SWAP70: variants seen among roughly 807,000 people sequenced by gnomAD.
SWAP70 encodes switching B cell complex subunit SWAP70.
In SWAP70, 34 loss-of-function variants were observed where a neutral mutation model predicts 80.2. That is an observed-to-expected ratio of 0.42 (90% confidence interval 0.32 to 0.56). SWAP70 has a LOEUF of 0.56. Ranked by LOEUF, SWAP70 falls within the 20% of genes least tolerant of loss-of-function variation. The pLI is 0.09. For missense variants in SWAP70, 578 were observed against 690.7 expected, an observed-to-expected ratio of 0.84 and a Z score of 1.83; for synonymous variants, 239 against 238.5, an observed-to-expected ratio of 1.00 and a Z score of -0.02.
chr11:9,692,500 C>T lies in SWAP70; in HGVS notation c.100-1646C>T, dbSNP rs190033182. Among the ~76,000 whole-genome samples, 164 of 151,664 alleles carry T rather than the reference C, an allele frequency of 1.1e-3. 3 individuals carry two copies. The highest frequency in any genetic ancestry group is 3.6e-3 in the African/African-American group (148 of 41,378). Reference sequence around the variant, plus strand: ...TTTATGTTGGAGATCTTTTCATATCCGTACATAGCAAGCTTTCTCATGGTT... The same window carrying T: ...TTTATGTTGGAGATCTTTTCATATCTGTACATAGCAAGCTTTCTCATGGTT... On this transcript the variant is annotated intron_variant, in intron 1 of 11. Transcript: ENST00000318950.
At chr11:9,716,842 T>C (rs1224342063) in intron 3 of SWAP70, among the ~76,000 whole-genome samples, 1 of 152,174 alleles carries the variant, frequency 6.6e-6, no homozygotes, top group Non-Finnish European at 1.5e-5. Context: ...AAGACTGTAG[T>C]TGGAGACATG....
intron 3 of SWAP70, among the ~76,000 whole-genome samples, chr11:9,720,882 C>T (rs890933236): frequency 3.3e-5 from 5 of 152,310 alleles, no homozygotes; most frequent in Admixed American, 3.3e-4. Flanking sequence ...GTGGCGCGAT[C>T]TTGGCTCACT....
At chr11:9,744,961 G>T (rs1851492940) in intron 9 of SWAP70, among the ~76,000 whole-genome samples, 1 of 152,182 alleles carries the variant, frequency 6.6e-6, no homozygotes, top group South Asian at 2.1e-4. Context: ...AATCTGTCCT[G>T]TTGTAACTCT....
At chr11:9,685,235 G>A (rs980860092) in intron 1 of SWAP70, among the ~76,000 whole-genome samples, 2 of 151,916 alleles carry the variant, frequency 1.3e-5, no homozygotes, top group African/African-American at 4.8e-5. Context: ...GGGAAAGCAT[G>A]CTTTGTGGGT....
chr11:9,725,569 A>ATATATATTTTTT (rs1554892086), intron 4 of SWAP70, among the ~76,000 whole-genome samples: 1 of 26,616 alleles, frequency 3.8e-5, no homozygotes, highest in African/African-American at 1.6e-4. Context: ...ATATATATAT[A>ATATATATTTTTT]TTTTTTTTTT....
Position 9,671,951 on chromosome 11 carries a change from T to C in SWAP70, c.99+7673T>C, listed in dbSNP as rs867643508. ...TTATATTTTATAATATATTTTATAATATATAATATATTTTATATGTTATAT... is the reference window on the plus strand; with the variant it reads ...TTATATTTTATAATATATTTTATAACATATAATATATTTTATATGTTATAT... On this transcript the variant is annotated intron_variant, in intron 1 of 11. Transcript: ENST00000318950. Among the ~76,000 whole-genome samples the C allele has an allele frequency of 4.0e-3, 449 of 112,010 alleles. 4 individuals are homozygous for C. The highest frequency in any genetic ancestry group is 0.016 in the African/African-American group (426 of 27,444). The allele number at this position is 112,010 out of a possible 152,430, so 73.5% of individuals were successfully genotyped here.
chr11:9,693,949 A>G (rs528931581), intron 1 of SWAP70, among the ~76,000 whole-genome samples, 197 bp from the exon 2 acceptor site: 2 of 152,292 alleles, frequency 1.3e-5, no homozygotes, highest in East Asian at 3.9e-4. Flanking sequence ...GTTCTAAGTG[A>G]ACCAAACCTG....
In SWAP70 at chr11:9,674,314, A is replaced by G. The variant is rs375354531; in HGVS notation, c.99+10036A>G. Among the ~76,000 whole-genome samples the G allele has an allele frequency of 1.6e-4, 25 of 152,260 alleles. No individual in the cohort carries two copies. The East Asian group carries it at 3.3e-3, about 20-fold the overall frequency. ...GATGAAAACCTATATATATTTATCT[A>G]TGTATATCTCTGTCTCATAATATCA... On this transcript the variant is annotated intron_variant, in intron 1 of 11. Transcript: ENST00000318950.
chr11:9,677,328 A>G lies in SWAP70; in HGVS notation c.99+13050A>G, dbSNP rs577905074. Among the ~76,000 whole-genome samples the G allele has an allele frequency of 7.9e-5, 12 of 152,310 alleles. No homozygotes were observed. The East Asian group carries it at 2.1e-3, about 27-fold the overall frequency. ...CTCCAGTGTTACTTAGAAATACAGTACATACAATTCTAAGAAAAAAGGTTA... is the reference window on the plus strand; with the variant it reads ...CTCCAGTGTTACTTAGAAATACAGTGCATACAATTCTAAGAAAAAAGGTTA... On this transcript the variant is annotated intron_variant, in intron 1 of 11. Transcript: ENST00000318950.
intron 1 of SWAP70, among the ~76,000 whole-genome samples, chr11:9,674,630 T>C (rs1201975188): frequency 6.6e-6 from 1 of 152,020 alleles, no homozygotes; most frequent in African/African-American, 2.4e-5. Flanking sequence ...ATAGTGCCAC[T>C]GTATTGCAGC....
intron 4 of SWAP70, among the ~76,000 whole-genome samples, chr11:9,725,556 TATATATA>T (rs1564829499): frequency 2.7e-3 from 31 of 11,390 alleles, no homozygotes; most frequent in African/African-American, 5.7e-3. Flanking sequence ...TATATATATA[TATATATA>T]TATATATTTT....
chr11:9,689,298 T>C (rs1850667810), intron 1 of SWAP70, among the ~76,000 whole-genome samples: 1 of 152,122 alleles, frequency 6.6e-6, no homozygotes, highest in Non-Finnish European at 1.5e-5. Flanking sequence ...TCAAAAGGGG[T>C]AAATGGCAAG....
At chr11:9,729,299 A>G (rs1421397661) in intron 5 of SWAP70, 44 bp from the exon 6 acceptor site, 1 of 1,166,026 alleles carries the variant, frequency 8.6e-7, no homozygotes, top group African/African-American at 1.5e-5. Flanking sequence ...AATTTCATTT[A>G]AATACTTAAA....
chr11:9,715,196 A>G (rs416766), intron 3 of SWAP70, among the ~76,000 whole-genome samples: 14,555 of 151,946 alleles, frequency 0.096, 1,309 homozygotes, highest in African/African-American at 0.23. Context: ...CCAGCCTGGT[A>G]TCAAACTCCT....
In SWAP70 at chr11:9,710,277, C is replaced by T. The variant is rs145458923; in HGVS notation, c.241-3189C>T. ...GAGAAATAACATATAAAATGCCTAG[C>T]ATATAGTAAGTCTTCAAGGTGATAG... On this transcript the variant is annotated intron_variant, in intron 2 of 11. Coordinates refer to ENST00000318950, the MANE Select transcript of SWAP70 (RefSeq NM_015055.4). 1.5e-4 allele frequency among the ~76,000 whole-genome samples: 23 copies of T among 152,156 alleles called. No homozygotes were observed. In the East Asian group the frequency reaches 4.4e-3, roughly 29 times the overall value.
chr11:9,664,283 G>T lies in SWAP70; in HGVS notation c.99+5G>T. 4 of 1,563,986 alleles carry T rather than the reference G, an allele frequency of 2.6e-6. No individual in the cohort carries two copies. The highest frequency in any genetic ancestry group is 1.2e-5 in the South Asian group (1 of 84,604). Reference sequence around the variant, plus strand: ...GTCTCCAAGTCCCAGCTCAAGGTGGGCGCCTCCTGACCCGGCCCCCCACCC... The same window carrying T: ...GTCTCCAAGTCCCAGCTCAAGGTGGTCGCCTCCTGACCCGGCCCCCCACCC... On this transcript the variant is annotated splice_donor_5th_base_variant and intron_variant, in intron 1 of 11. Transcript: ENST00000318950.
intron 9 of SWAP70, among the ~76,000 whole-genome samples, chr11:9,742,971 C>T (rs1426780299): frequency 6.7e-6 from 1 of 148,746 alleles, no homozygotes; most frequent in African/African-American, 2.5e-5. Flanking sequence ...CATATGTATA[C>T]ATGTGCCATG....
chr11:9,694,081 C>T (rs360049), intron 1 of SWAP70, 65 bp from the exon 2 acceptor site: 1,007,758 of 1,488,138 alleles, frequency 0.68, 343,428 homozygotes, highest in South Asian at 0.84. Flanking sequence ...GCATGTTGTA[C>T]TCATGGTGAA....
At chr11:9,707,688 T>G (rs1024500246) in intron 2 of SWAP70, among the ~76,000 whole-genome samples, 10 of 151,664 alleles carry the variant, frequency 6.6e-5, no homozygotes, top group African/African-American at 1.9e-4. Flanking sequence ...CCTTAGTAGC[T>G]GGGATTACAG....
Sources: allele counts gnomAD v4.1 joint callset (sites outside exome capture counted in the v4.1 genomes callset), GRCh38; gene constraint gnomAD v4.1.1; transcripts MANE v1.5; gene names NCBI Gene and HGNC (gene_info 2026-07-23, HGNC 2026-07-21).